The following SLC9A9 variants were observed in gnomAD, a reference collection of about 807,000 sequenced individuals.
SLC9A9 encodes solute carrier family 9 member A9, also known as sodium/hydrogen exchanger 9.
In SLC9A9, 62 loss-of-function variants were observed where a neutral mutation model predicts 77.8. The observed-to-expected ratio is 0.80, with a 90% CI of 0.65 to 0.98. SLC9A9 has a LOEUF of 0.98. Ranked by LOEUF, SLC9A9 falls within the 50% of genes least tolerant of loss-of-function variation. The pLI, the probability that SLC9A9 is intolerant of heterozygous loss-of-function variation, is 0.00. For synonymous variants in SLC9A9, 320 were observed against 283.5 expected, an observed-to-expected ratio of 1.13 and a Z score of -1.29; for missense variants, 775 against 774.9, an observed-to-expected ratio of 1.00 and a Z score of 0.00.
chr3:143,493,664 A>T lies in SLC9A9; in HGVS notation c.1304T>A (p.Met435Lys), dbSNP rs755786076. ...CATAGTTCACATACCTGAAAACATC[A>T]TCATGTGCTGAAAGTTCCAGGGGAT... ...QKIPWNFQHMMMFSGLRGAIA... is the reference protein window; with the variant it reads ...QKIPWNFQHMKMFSGLRGAIA... The change falls in exon 11 of 16, where the codon ATG (methionine) becomes AAG (lysine). Residue 435 changes from methionine (M) to lysine (K), a missense_variant. Met to Lys is a moderately conservative substitution (Grantham distance 95). Coordinates refer to ENST00000316549, the MANE Select transcript of SLC9A9 (RefSeq NM_173653.4). 1.2e-6 allele frequency: 2 copies of T among 1,613,176 alleles called. No homozygotes were observed. The highest frequency in any genetic ancestry group is 2.2e-5 in the South Asian group (2 of 91,066).
intron 9 of SLC9A9, among the ~76,000 whole-genome samples, chr3:143,530,577 G>A (rs11917295): frequency 0.13 from 20,438 of 152,010 alleles, 1,695 homozygotes; most frequent in East Asian, 0.26. Flanking sequence ...CAGTTAGTAA[G>A]GAAAAACCTT....
intron 12 of SLC9A9, among the ~76,000 whole-genome samples, chr3:143,385,583 T>C (rs2033404713): frequency 6.6e-6 from 1 of 152,250 alleles, no homozygotes; most frequent in Non-Finnish European, 1.5e-5. Context: ...CATGTATCCA[T>C]TCACTTTAAA....
At chr3:143,467,673 A>T (rs2035306223) in intron 11 of SLC9A9, among the ~76,000 whole-genome samples, 1 of 151,662 alleles carries the variant, frequency 6.6e-6, no homozygotes, top group Non-Finnish European at 1.5e-5. Context: ...TCAAGGCTGC[A>T]ATGAGCTAGG....
At chr3:143,566,761 C>A (rs2037176148) in intron 8 of SLC9A9, among the ~76,000 whole-genome samples, 1 of 152,068 alleles carries the variant, frequency 6.6e-6, no homozygotes, top group Non-Finnish European at 1.5e-5. Flanking sequence ...GCAGGGAAAT[C>A]ATTAGACATG....
intron 4 of SLC9A9, among the ~76,000 whole-genome samples, chr3:143,782,966 A>G (rs1196408521): frequency 6.6e-6 from 1 of 152,170 alleles, no homozygotes; most frequent in Non-Finnish European, 1.5e-5. Context: ...CCAAAGCCAT[A>G]TTCTGTCAGT....
Position 143,447,094 on chromosome 3 carries a change from T to C in SLC9A9, c.1469+19943A>G, listed in dbSNP as rs76900057. On this transcript the variant is annotated intron_variant, in intron 12 of 15. Transcript: ENST00000316549. ...CTTATCCCCCTCTAAGCCTCATCTA[T>C]TGCAAATATACTTGGAGGAAGCCGA... Among the ~76,000 whole-genome samples the C allele has an allele frequency of 1.2e-3, 186 of 152,318 alleles. 3 individuals carry two copies. The Middle Eastern group carries it at 0.014, about 11-fold the overall frequency.
At chr3:143,456,040 T>A (rs541035959) in intron 12 of SLC9A9, among the ~76,000 whole-genome samples, 16 of 152,178 alleles carry the variant, frequency 1.1e-4, no homozygotes, top group Middle Eastern at 3.4e-3. Context: ...ATGTTAGGTA[T>A]AAGTTTTTTT....
chr3:143,380,391 G>A (rs1000235799), intron 13 of SLC9A9, among the ~76,000 whole-genome samples: 26 of 152,184 alleles, frequency 1.7e-4, no homozygotes, highest in Admixed American at 3.3e-4. Flanking sequence ...AATTTTATTT[G>A]ATGAATTTTA....
chr3:143,414,521 A>AAACATTTCAT (rs757677015), intron 12 of SLC9A9, among the ~76,000 whole-genome samples: 1 of 152,174 alleles, frequency 6.6e-6, no homozygotes, highest in Non-Finnish European at 1.5e-5. Flanking sequence ...GAGATATTTC[A>AAACATTTCAT]AACATTTCAT....
chr3:143,784,424 T>C (rs1035768437), intron 4 of SLC9A9, among the ~76,000 whole-genome samples: 1 of 152,178 alleles, frequency 6.6e-6, no homozygotes. Context: ...AGTTAGCTCT[T>C]CTATGGTCAA....
chr3:143,446,169 A>G (rs1046246671), intron 12 of SLC9A9, among the ~76,000 whole-genome samples: 1 of 152,038 alleles, frequency 6.6e-6, no homozygotes, highest in African/African-American at 2.4e-5. Context: ...AAAAGAGACA[A>G]ATATTGGAGT....
intron 12 of SLC9A9, among the ~76,000 whole-genome samples, chr3:143,443,923 G>A (rs145551885): frequency 1.3e-5 from 2 of 152,036 alleles, no homozygotes; most frequent in East Asian, 1.9e-4. Context: ...CACATGACAC[G>A]ATTGCATTCC....
chr3:143,418,900 G>A (rs1036875562), intron 12 of SLC9A9, among the ~76,000 whole-genome samples: 3 of 152,138 alleles, frequency 2.0e-5, no homozygotes, highest in Admixed American at 1.3e-4. Flanking sequence ...TGTGCCCACT[G>A]TGTACTGAAG....
chr3:143,381,301 G>A (rs989025656), intron 13 of SLC9A9: 2 of 152,172 alleles, frequency 1.3e-5, no homozygotes, highest in Admixed American at 1.3e-4. Flanking sequence ...TCTTGTGACA[G>A]TGAATGGGTC....
At chr3:143,413,334 G>A (rs1035891565) in intron 12 of SLC9A9, among the ~76,000 whole-genome samples, 2 of 152,212 alleles carry the variant, frequency 1.3e-5, no homozygotes, top group Non-Finnish European at 1.5e-5. Flanking sequence ...CAGGAAGTTT[G>A]AAAAGATGCA....
At chr3:143,273,421 T>TTC (rs1377997832) in intron 14 of SLC9A9, among the ~76,000 whole-genome samples, 1 of 152,188 alleles carries the variant, frequency 6.6e-6, no homozygotes, top group Non-Finnish European at 1.5e-5. Context: ...AGGGAGTTTG[T>TTC]TCTCTCTCTC....
intron 4 of SLC9A9, among the ~76,000 whole-genome samples, chr3:143,725,919 T>C (rs1179989138): frequency 6.6e-6 from 1 of 151,522 alleles, no homozygotes; most frequent in Non-Finnish European, 1.5e-5. Flanking sequence ...TGATCCTTTG[T>C]GGAGTAGAAA....
intron 5 of SLC9A9, among the ~76,000 whole-genome samples, chr3:143,687,649 G>A (rs1933314678): frequency 6.6e-6 from 1 of 151,814 alleles, no homozygotes; most frequent in South Asian, 2.1e-4. Context: ...CAGTCTCACA[G>A]GAATAAAAAT....
At position 143,448,967 on chromosome 3, in the gene SLC9A9, AATATAATTATATAAAAATAATTATAAT is replaced by A. The variant is rs1559920403; in HGVS notation, c.1469+18043_1469+18069del. On this transcript the variant is annotated intron_variant, in intron 12 of 15. Coordinates refer to ENST00000316549, the MANE Select transcript of SLC9A9 (RefSeq NM_173653.4). ...ATATAATATATAATATAATTATATA[AATATAATTATATAAAAATAATTATAAT>A]TATATAATTATATAAAATATAATTA... 2.5e-3 allele frequency among the ~76,000 whole-genome samples: 40 copies of A among 15,932 alleles called. 16 individuals carry two copies. The highest frequency in any genetic ancestry group is 0.013 in the African/African-American group (28 of 2,158). The allele number at this position is 15,932 out of a possible 152,430, so 10.5% of individuals were successfully genotyped here.
Sources: allele counts gnomAD v4.1 joint callset (sites outside exome capture counted in the v4.1 genomes callset), GRCh38; gene constraint gnomAD v4.1.1; transcripts MANE v1.5; gene names NCBI Gene and HGNC (gene_info 2026-07-23, HGNC 2026-07-21).